Variants in MYO1F observed in about 807,000 individuals in gnomAD.
MYO1F encodes the protein unconventional myosin-If.
In MYO1F, 60 loss-of-function variants were observed where a neutral mutation model predicts 146.6. The observed-to-expected ratio is 0.41, with a 90% CI of 0.33 to 0.51. The LOEUF is 0.51. Ranked by LOEUF, MYO1F falls within the 20% of genes least tolerant of loss-of-function variation. The probability of loss-of-function intolerance (pLI) is 0.25; values close to 1 mark genes in which losing one functional copy is unlikely to be tolerated. For synonymous variants in MYO1F, 602 were observed against 602.1 expected (o/e 1.00, Z 0.00); for missense variants, 1,274 against 1,534.3 (o/e 0.83, Z 2.83).
chr19:8,548,360 G>T (rs1452768269), intron 10 of MYO1F, 43 bp from the exon 11 acceptor site: 3 of 1,580,222 alleles, frequency 1.9e-6, no homozygotes, highest in South Asian at 2.2e-5. Context: ...GCATCGGTCA[G>T]ATCTGAAGCC....
intron 19 of MYO1F, among the ~76,000 whole-genome samples, chr19:8,532,615 G>A (rs1487865456): frequency 1.3e-5 from 2 of 151,968 alleles, no homozygotes; most frequent in Admixed American, 6.6e-5. Flanking sequence ...GGCTGGGTGC[G>A]GTGGCTCATG....
intron 15 of MYO1F, among the ~76,000 whole-genome samples, chr19:8,540,931 T>C (rs1451068813): frequency 6.6e-6 from 1 of 152,020 alleles, no homozygotes; most frequent in African/African-American, 2.4e-5. Flanking sequence ...CAGATTCTGA[T>C]AGTTCAGAAT....
intron 14 of MYO1F, among the ~76,000 whole-genome samples, chr19:8,543,687 G>GTGGTGCTGGTGGTGGTGCTGGTGGTGC (rs1568348385): frequency 6.0e-4 from 29 of 48,646 alleles, no homozygotes; most frequent in African/African-American, 3.2e-3. Flanking sequence ...GGTGGTGGTG[G>GTGGTGCTGGTGGTGGTGCTGGTGGTGC]TGGTGGTGGT....
Position 8,550,267 on chromosome 19 carries a change from C to T in MYO1F, c.994G>A (p.Gly332Arg), listed in dbSNP as rs760095446. The T allele has an allele frequency of 2.2e-5, 36 of 1,614,046 alleles. No homozygotes were observed. The highest frequency in any genetic ancestry group is 4.4e-5 in the South Asian group (4 of 91,084). The change falls in exon 10 of 28, where the codon GGG becomes AGG. Residue 332 changes from glycine (G) to arginine (R), a missense_variant. Transcript: ENST00000644032. ...GTCACATTGATGGACTCGCTGCGCC[C>T]GCCCCAGCGGCTGTCCATCTTGCGG... ...TSRKMDSRWG[G>R]RSESINVTLN...
At chr19:8,547,603 C>CAAAA (rs146542478) in intron 12 of MYO1F, among the ~76,000 whole-genome samples, 17,211 of 113,814 alleles carry the variant, frequency 0.15, 2,283 homozygotes, top group African/African-American at 0.36. Context: ...GACTTTGTCT[C>CAAAA]AAAAAAAAAA....
Position 8,537,059 on chromosome 19 carries a change from A to C in MYO1F, c.1693-4T>G, listed in dbSNP as rs375592561. On this transcript the variant is annotated splice_polypyrimidine_tract_variant and splice_region_variant and intron_variant, in intron 16 of 27. Transcript: ENST00000644032. ...CCACCAGGTCGTTGGCTTGTTTCTG[A>C]GGCAGAAGTGAAGACGGGTGGGTGG... The C allele has an allele frequency of 6.3e-7, 1 of 1,597,412 alleles. No homozygotes were observed. The highest frequency in any genetic ancestry group is 8.5e-7 in the Non-Finnish European group (1 of 1,171,804).
In MYO1F at chr19:8,542,142, GTA is replaced by G. The variant is rs1973003348; in HGVS notation, c.1525-153_1525-152del. On this transcript the variant is annotated intron_variant, in intron 14 of 27. Coordinates refer to ENST00000644032, the MANE Select transcript of MYO1F (RefSeq NM_012335.4). ...CAGTGTCTACAGCGCTGGCTGGGGGGTATCTACAGTTCAGAATAGGGGATGGG... is the reference window on the plus strand; with the variant it reads ...CAGTGTCTACAGCGCTGGCTGGGGGGTCTACAGTTCAGAATAGGGGATGGG... 3 of 649,680 alleles carry G rather than the reference GTA, an allele frequency of 4.6e-6. No individual in the cohort carries two copies. In the South Asian group the frequency reaches 4.6e-5, roughly 10 times the overall value. 40.2% of individuals were successfully genotyped at this position (649,680 alleles called of 1,614,324 possible). A position where few individuals can be genotyped will look rare whatever the true frequency, so the allele number is the denominator to read the frequency against.
intron 16 of MYO1F, among the ~76,000 whole-genome samples, chr19:8,537,516 A>T (rs967567460): frequency 1.3e-5 from 2 of 152,094 alleles, no homozygotes; most frequent in African/African-American, 4.8e-5. Flanking sequence ...ATCTTGGCTC[A>T]CTGCAACCTC....
chr19:8,525,240 A>C, intron 25 of MYO1F: 9 of 341,286 alleles, frequency 2.6e-5, no homozygotes, highest in Admixed American at 7.6e-5. Flanking sequence ...TTTACAGGGC[A>C]GGAGTGTAGG....
Position 8,530,214 on chromosome 19 carries a change from C to T in MYO1F, c.2310G>A (p.Lys770=). Residue 770 remains lysine, a synonymous_variant, in exon 21 of 28, where the codon AAG becomes AAA. Coordinates refer to ENST00000644032, the MANE Select transcript of MYO1F (RefSeq NM_012335.4). The surrounding 1 kb of genome is among the most constrained non-coding windows in gnomAD (Gnocchi z 5.8). ...ERVDFADSVT[K]YDRRFKPIKR... ...GCCTCACCTTGAAGCGGCGGTCGTA[C>T]TTGGTGACCGAATCGGCGAAGTCCA... is the stretch of plus-strand genomic sequence containing the variant. The T allele has an allele frequency of 6.2e-7, 1 of 1,614,052 alleles. No homozygotes were observed. Among genetic ancestry groups the T allele is most frequent in the Admixed American group, 1.7e-5 (1 of 60,000 alleles).
Position 8,524,199 on chromosome 19 carries a change from T to C in MYO1F, c.2854+1280A>G, listed in dbSNP as rs1366338068. Among the ~76,000 whole-genome samples, 4 of 147,064 alleles carry C rather than the reference T, an allele frequency of 2.7e-5. No homozygotes were observed. The East Asian group carries it at 8.2e-4, about 30-fold the overall frequency. ...AGTTTGGGAGGCCGAGGCGGGTGGA[T>C]CACGAGGTCAGGAGTTCCAGACCAG... is the stretch of plus-strand genomic sequence containing the variant. On this transcript the variant is annotated intron_variant, in intron 25 of 27. Coordinates refer to ENST00000644032, the MANE Select transcript of MYO1F (RefSeq NM_012335.4).
chr19:8,543,473 G>T (rs1035999769), intron 14 of MYO1F, among the ~76,000 whole-genome samples: 1 of 151,798 alleles, frequency 6.6e-6, no homozygotes, highest in African/African-American at 2.4e-5. Context: ...CCTAGTCAGG[G>T]GGTTATGACT....
chr19:8,557,887 C>T (rs536579884), intron 1 of MYO1F, among the ~76,000 whole-genome samples: 34 of 152,270 alleles, frequency 2.2e-4, no homozygotes, highest in African/African-American at 7.7e-4. Flanking sequence ...CTGCCAGGCC[C>T]CTTCCTTCTC....
intron 1 of MYO1F, among the ~76,000 whole-genome samples, chr19:8,571,426 T>TC (rs2042105766): frequency 2.0e-5 from 3 of 151,950 alleles, no homozygotes; most frequent in Admixed American, 1.3e-4. Context: ...TCTCTCTTTT[T>TC]TTTTTTTAGA....
At chr19:8,523,739 C>T (rs1228425725) in intron 25 of MYO1F, among the ~76,000 whole-genome samples, 1 of 152,050 alleles carries the variant, frequency 6.6e-6, no homozygotes, top group Non-Finnish European at 1.5e-5. Context: ...ACTGCAGACT[C>T]CAACTCTTAG....
chr19:8,552,692 A>AT (rs897747838), intron 6 of MYO1F, among the ~76,000 whole-genome samples: 17 of 151,472 alleles, frequency 1.1e-4, no homozygotes, highest in Admixed American at 4.6e-4. Flanking sequence ...AGTTGCATAG[A>AT]TTTTTTTCCC....
chr19:8,544,712 T>G (rs1599960172), intron 13 of MYO1F, among the ~76,000 whole-genome samples: 1 of 151,786 alleles, frequency 6.6e-6, no homozygotes, highest in Non-Finnish European at 1.5e-5. Context: ...CAGAAGTGGG[T>G]GGGGACCCCT....
chr19:8,545,519 G>T, intron 13 of MYO1F, 131 bp downstream of exon 13: 1 of 793,614 alleles, frequency 1.3e-6, no homozygotes, highest in South Asian at 1.4e-5. Context: ...GTTATCTGTC[G>T]CTGGAAGTCC....
At chr19:8,558,990 C>T (rs1437221799) in intron 1 of MYO1F, among the ~76,000 whole-genome samples, 1 of 152,066 alleles carries the variant, frequency 6.6e-6, no homozygotes, top group Non-Finnish European at 1.5e-5. Flanking sequence ...GCGAGCCTGT[C>T]ACCTCGGCCT....
Sources: gnomAD v4.1 joint callset for allele counts (sites outside exome capture counted in the v4.1 genomes callset) on GRCh38, gnomAD v4.1.1 for gene constraint, Gnocchi (gnomAD v3.1) non-coding constraint, MANE v1.5 for transcripts, NCBI Gene and HGNC (gene_info 2026-07-23, HGNC 2026-07-21) for gene names.